The following CLEC12A variants were observed in gnomAD, a reference collection of about 807,000 sequenced individuals.
CLEC12A encodes the protein C-type lectin domain family 12 member A.
A neutral mutation model predicts 26.5 loss-of-function variants in CLEC12A; 22 were observed. The observed-to-expected ratio is 0.83, with a 90% confidence interval of 0.59 to 1.19. The LOEUF (loss-of-function observed/expected upper bound fraction) is 1.19, where lower values mean the gene tolerates loss of function less well. Ranked by LOEUF, CLEC12A falls within the 50% of genes most tolerant of loss-of-function variation. The pLI is 0.00. For missense variants in CLEC12A, 353 were observed against 315.6 expected (o/e 1.12, Z -0.90); for synonymous variants, 119 against 101.9 (o/e 1.17, Z -1.01).
At chr12:9,960,410 G>C (rs1863809752) in intron 1 of CLEC12A, among the ~76,000 whole-genome samples, 1 of 152,084 alleles carries the variant, frequency 6.6e-6, no homozygotes. Context: ...CAAATTCTCT[G>C]GTATTTTAAA....
At chr12:9,977,838 G>A (rs1209368888) in intron 1 of CLEC12A, among the ~76,000 whole-genome samples, 1 of 151,872 alleles carries the variant, frequency 6.6e-6, no homozygotes, top group Admixed American at 6.6e-5. Context: ...ATAAATACAA[G>A]GCACTCAAAA....
upstream of CLEC12A, among the ~76,000 whole-genome samples, chr12:9,968,498 G>C (rs1414041738): frequency 6.6e-6 from 1 of 152,124 alleles, no homozygotes; most frequent in African/African-American, 2.4e-5. Flanking sequence ...GGGAGCTTTT[G>C]AGCCAAGATG....
chr12:9,993,372 C>T, intron 4 of CLEC12A: 1 of 985,868 alleles, frequency 1.0e-6, no homozygotes, highest in South Asian at 1.3e-5. Context: ...GTTTGATGCA[C>T]CAAATAGAGA....
At chr12:9,957,654 G>T (rs1863765056) in intron 1 of CLEC12A, among the ~76,000 whole-genome samples, 2 of 152,144 alleles carry the variant, frequency 1.3e-5, no homozygotes, top group Non-Finnish European at 2.9e-5. Context: ...CAGTGAATCT[G>T]CATTTTTATA....
At chr12:9,975,202 C>T (rs552401690) in intron 1 of CLEC12A, among the ~76,000 whole-genome samples, 173 of 152,230 alleles carry the variant, frequency 1.1e-3, no homozygotes, top group African/African-American at 3.6e-3. Context: ...TAGAGTAGGG[C>T]GCTGCTGTAA....
At chr12:10,002,498 A>G in the CLEC12A span, among the ~76,000 whole-genome samples, 1 of 145,630 alleles carries the variant, frequency 6.9e-6, no homozygotes, top group Non-Finnish European at 1.5e-5. Context: ...GCTGGAGTGC[A>G]GTGGCGCGAT....
chr12:9,984,737 CATTAA>C, intron 5 of CLEC12A, 128 bp from the exon 6 acceptor site: 2 of 778,054 alleles, frequency 2.6e-6, no homozygotes, highest in Non-Finnish European at 1.8e-6. Flanking sequence ...ATACTCTGAA[CATTAA>C]ATTAGATTTA....
At chr12:9,991,577 A>ATTAC (rs1349127255) in intron 4 of CLEC12A, 4 of 152,160 alleles carry the variant, frequency 2.6e-5, no homozygotes, top group African/African-American at 9.7e-5. Flanking sequence ...AGACATTTGA[A>ATTAC]GTAACAAGTA....
chr12:9,998,203 T>C (rs930928686), downstream of CLEC12A: 3 of 1,068,858 alleles, frequency 2.8e-6, no homozygotes, highest in African/African-American at 4.7e-5. Flanking sequence ...TAGCGACCAT[T>C]GAGAAGCTTA....
the CLEC12A span, among the ~76,000 whole-genome samples, chr12:10,000,954 G>C: frequency 1.3e-5 from 2 of 152,190 alleles, no homozygotes; most frequent in Admixed American, 1.3e-4. Context: ...CAAAGTAACA[G>C]AGAGAAAAGA....
intron 1 of CLEC12A, chr12:9,953,025 C>A (rs1326358406): frequency 1.5e-5 from 2 of 134,032 alleles, no homozygotes; most frequent in East Asian, 4.6e-4. Flanking sequence ...CCGGCAGCCA[C>A]CCCATCTGGG....
chr12:9,959,600 C>T (rs536217552), intron 1 of CLEC12A, among the ~76,000 whole-genome samples: 3 of 151,924 alleles, frequency 2.0e-5, no homozygotes, highest in Admixed American at 6.6e-5. Flanking sequence ...TCTTTTTTGA[C>T]TCTAAGTCCC....
At chr12:9,996,660 G>T (rs1591851006), downstream of CLEC12A, 8 of 712,354 alleles carry the variant, frequency 1.1e-5, no homozygotes, top group Non-Finnish European at 2.0e-5. Context: ...CTCTATCAGT[G>T]TTGTAGAATA....
At chr12:9,994,922 A>C in intron 4 of CLEC12A, 1 of 1,221,684 alleles carries the variant, frequency 8.2e-7, no homozygotes, top group Non-Finnish European at 1.1e-6. Context: ...GAATAATATC[A>C]GAGATAAAGG....
chr12:9,992,818 C>G (rs1010306357), intron 4 of CLEC12A: 1 of 206,988 alleles, frequency 4.8e-6, no homozygotes, highest in Non-Finnish European at 9.7e-6. Flanking sequence ...TAAGCCCTAA[C>G]CTATATTGGC....
intron 1 of CLEC12A, among the ~76,000 whole-genome samples, chr12:9,966,218 G>A (rs923647689): frequency 4.6e-5 from 7 of 152,172 alleles, no homozygotes; most frequent in African/African-American, 7.2e-5. Context: ...ATGTGGAGTG[G>A]GTAGCCTCCG....
Position 9,984,930 on chromosome 12 carries a change from T to A in CLEC12A, c.702T>A (p.Tyr234Ter). Reference sequence around the variant, plus strand: ...ATTGTGGATATATAAATAGACTATATGTTCAATATTATCACTGCACTTATA... The same window carrying A: ...ATTGTGGATATATAAATAGACTATAAGTTCAATATTATCACTGCACTTATA... ...NMYCGYINRL[Y>*]VQYYHCTYKK... Residue 234 changes from tyrosine to a stop codon, truncating the protein, a stop_gained, in exon 6 of 6, where the codon TAT becomes TAA. Coordinates refer to ENST00000304361, the MANE Select transcript of CLEC12A (RefSeq NM_138337.6). LOFTEE classifies it low-confidence loss of function (END_TRUNC). 2 of 1,582,888 alleles carry A rather than the reference T, an allele frequency of 1.3e-6. No homozygotes were observed. Among genetic ancestry groups the A allele is most frequent in the Non-Finnish European group, 1.7e-6 (2 of 1,161,814 alleles).
intron 1 of CLEC12A, among the ~76,000 whole-genome samples, chr12:9,977,053 T>C (rs1012985631): frequency 6.6e-6 from 1 of 152,198 alleles, no homozygotes; most frequent in African/African-American, 2.4e-5. Context: ...GTATGTCTTA[T>C]TAGCAATGTG....
intron 1 of CLEC12A, among the ~76,000 whole-genome samples, chr12:9,960,302 T>C (rs142363202): frequency 6.6e-6 from 1 of 152,354 alleles, no homozygotes; most frequent in African/African-American, 2.4e-5. Context: ...TATTATTCTC[T>C]TTAAACCCAC....
Sources: gnomAD v4.1 joint callset for allele counts (sites outside exome capture counted in the v4.1 genomes callset) on GRCh38, gnomAD v4.1.1 for gene constraint, MANE v1.5 for transcripts, NCBI Gene and HGNC (gene_info 2026-07-23, HGNC 2026-07-21) for gene names.